Variants in CCDC50 observed in about 807,000 individuals in gnomAD.
CCDC50 encodes the protein coiled-coil domain containing 50.
CCDC50 carries 54 observed loss-of-function variants against 70.2 expected under a neutral mutation model. That is an observed-to-expected ratio of 0.77 (90% CI 0.62 to 0.96). CCDC50 has a LOEUF of 0.96. Ranked by LOEUF, CCDC50 falls within the 50% of genes least tolerant of loss-of-function variation. The pLI is 0.00. For synonymous variants in CCDC50, 216 were observed against 198.8 expected, an observed-to-expected ratio of 1.09 and a Z score of -0.73; for missense variants, 558 against 578.7, an observed-to-expected ratio of 0.96 and a Z score of 0.37.
intron 1 of CCDC50, among the ~76,000 whole-genome samples, chr3:191,343,506 A>G (rs1711805522): frequency 6.6e-6 from 1 of 152,356 alleles, no homozygotes; most frequent in East Asian, 1.9e-4. Flanking sequence ...TTATAAACCC[A>G]TTTAAAAAGT....
chr3:191,375,314 G>A lies in CCDC50; in HGVS notation c.701G>A (p.Arg234Gln), dbSNP rs748616618. ...ERKRSTQERP[R>Q]RPLLPTISGE... is the part of the protein sequence containing the mutation. ...AAACGGTCCACTCAGGAGAGGCCTC[G>A]GAGACCTCTGCTTCCCACGATCAGT... Residue 234 changes from arginine (R) to glutamine (Q), a missense_variant, in exon 6 of 12, where the codon CGG becomes CAG. Physicochemically the swap from Arg to Gln is conservative, Grantham distance 43. Transcript: ENST00000392455. The A allele has an allele frequency of 7.4e-6, 12 of 1,613,564 alleles. No homozygotes were observed. Among genetic ancestry groups the A allele is most frequent in the African/African-American group, 2.7e-5 (2 of 74,906 alleles).
rs144435570 is a variant in CCDC50, at chr3:191,351,544, G to C, written c.50-5544G>C. On this transcript the variant is annotated intron_variant, in intron 1 of 11. Coordinates refer to ENST00000392455, the MANE Select transcript of CCDC50 (RefSeq NM_178335.3). ...TTATTGGTAGGGAATTGGGGAGTGGGCTGTGTCTGGAGCTGGAGGGGTAAA... is the reference window on the plus strand; with the variant it reads ...TTATTGGTAGGGAATTGGGGAGTGGCCTGTGTCTGGAGCTGGAGGGGTAAA... 3.3e-4 allele frequency among the ~76,000 whole-genome samples: 46 copies of C among 141,494 alleles called. 3 individuals are homozygous for C. The East Asian group carries it at 7.5e-3, about 23-fold the overall frequency. The allele number at this position is 141,494 out of a possible 152,430, so 92.8% of individuals were successfully genotyped here. A position where few individuals can be genotyped will look rare whatever the true frequency, so the allele number is the denominator to read the frequency against.
rs1285835736 is a variant in CCDC50, at chr3:191,347,687, T to C, written c.50-9401T>C. Among the ~76,000 whole-genome samples the C allele has an allele frequency of 4.2e-5, 6 of 142,152 alleles. 1 individual carries two copies. Among genetic ancestry groups the C allele is most frequent in the African/African-American group, 1.0e-4 (4 of 39,794 alleles). The allele number at this position is 142,152 out of a possible 152,430, so 93.3% of individuals were successfully genotyped here. On this transcript the variant is annotated intron_variant, in intron 1 of 11. Coordinates refer to ENST00000392455, the MANE Select transcript of CCDC50 (RefSeq NM_178335.3). ...GTATATATCACTTTTCTAGGTATTCTAGGATCCTATTAGGCAACATATCCT... is the reference window on the plus strand; with the variant it reads ...GTATATATCACTTTTCTAGGTATTCCAGGATCCTATTAGGCAACATATCCT...
intron 10 of CCDC50, among the ~76,000 whole-genome samples, chr3:191,384,367 A>G (rs1713418850): frequency 6.6e-6 from 1 of 152,178 alleles, no homozygotes; most frequent in South Asian, 2.1e-4. Flanking sequence ...TTGCATATGT[A>G]GATACCTTGC....
rs985653442 is a variant in CCDC50, at chr3:191,398,040, C to A, written c.*6280C>A. ...TCTGGACTAGGCCAATGGAAGCAGT[C>A]TCTTTCAGTTCACCTCCGTACAGCA... On this transcript the variant is annotated 3_prime_UTR_variant, in exon 12 of 12. Coordinates refer to ENST00000392455, the MANE Select transcript of CCDC50 (RefSeq NM_178335.3). The A allele has an allele frequency of 6.6e-6, 1 of 152,188 alleles. No homozygotes were observed. The highest frequency in any genetic ancestry group is 2.4e-5 in the African/African-American group (1 of 41,422). 9.4% of individuals were successfully genotyped at this position (152,188 alleles called of 1,614,324 possible).
chr3:191,334,604 C>G (rs1159703089), intron 1 of CCDC50, among the ~76,000 whole-genome samples: 1 of 152,074 alleles, frequency 6.6e-6, no homozygotes, highest in Admixed American at 6.6e-5. Flanking sequence ...ACATTGGGGC[C>G]TAGAATTAGA....
intron 1 of CCDC50, among the ~76,000 whole-genome samples, chr3:191,356,566 C>A (rs1712289341): frequency 6.6e-6 from 1 of 152,160 alleles, no homozygotes; most frequent in African/African-American, 2.4e-5. Context: ...GAGCTCTGCC[C>A]CTACCTGAGG....
chr3:191,364,164 G>A (rs1712595671), intron 4 of CCDC50, among the ~76,000 whole-genome samples: 1 of 151,870 alleles, frequency 6.6e-6, no homozygotes, highest in South Asian at 2.1e-4. Context: ...TGCCTCCTGG[G>A]TTCAAGCGAT....
chr3:191,370,779 G>A (rs1054912863), intron 5 of CCDC50, among the ~76,000 whole-genome samples: 6 of 152,012 alleles, frequency 3.9e-5, no homozygotes, highest in Non-Finnish European at 5.9e-5. Context: ...GTGAGCCACC[G>A]CGCCCGGCCT....
chr3:191,359,893 A>G (rs1712422782), intron 3 of CCDC50, among the ~76,000 whole-genome samples: 1 of 152,220 alleles, frequency 6.6e-6, no homozygotes, highest in Admixed American at 6.5e-5. Flanking sequence ...GCTTTTTCAG[A>G]AATTATCAAG....
intron 9 of CCDC50, 115 bp from the exon 10 acceptor site, chr3:191,382,627 TACTA>T (rs1270744794): frequency 2.9e-6 from 2 of 684,322 alleles, no homozygotes; most frequent in Non-Finnish European, 5.2e-6. Flanking sequence ...AATCTGAAAT[TACTA>T]AGGAAGAGCT....
intron 1 of CCDC50, among the ~76,000 whole-genome samples, chr3:191,333,314 G>A (rs1198090313): frequency 6.6e-6 from 1 of 152,208 alleles, no homozygotes; most frequent in Non-Finnish European, 1.5e-5. Context: ...GGGCACTCCA[G>A]TGGCATAATG....
intron 10 of CCDC50, among the ~76,000 whole-genome samples, 159 bp downstream of exon 10, chr3:191,382,984 A>T (rs781619614): frequency 1.3e-5 from 2 of 152,156 alleles, no homozygotes; most frequent in Non-Finnish European, 2.9e-5. Flanking sequence ...TTAGAACTTT[A>T]TTTCCACTCT....
At chr3:191,372,986 T>G (rs1712965532) in intron 5 of CCDC50, among the ~76,000 whole-genome samples, 1 of 152,098 alleles carries the variant, frequency 6.6e-6, no homozygotes, top group Non-Finnish European at 1.5e-5. Flanking sequence ...CATATATCGG[T>G]GTTATATGTG....
At chr3:191,339,918 C>G (rs1711663406) in intron 1 of CCDC50, among the ~76,000 whole-genome samples, 2 of 152,190 alleles carry the variant, frequency 1.3e-5, no homozygotes, top group South Asian at 4.2e-4. Flanking sequence ...TTGTTGTTAT[C>G]TTGGATGCTA....
In CCDC50 at chr3:191,380,897, T is replaced by A. The variant is rs757529140; in HGVS notation, c.1207T>A (p.Ser403Thr). Residue 403 changes from serine to threonine, a missense_variant, in exon 9 of 12, where the codon TCT becomes ACT. Physicochemically the swap from Ser to Thr is moderately conservative, Grantham distance 58 (BLOSUM62 1). Coordinates refer to ENST00000392455, the MANE Select transcript of CCDC50 (RefSeq NM_178335.3). Reference sequence around the variant, plus strand: ...AAAAGCCAAGGAGCGGGAGAAATCATCTTTGGACAAAAGAAAGCAAGACCC... The same window carrying A: ...AAAAGCCAAGGAGCGGGAGAAATCAACTTTGGACAAAAGAAAGCAAGACCC... Reference protein sequence around the residue: ...YKKAKEREKSSLDKRKQDPEW... With the variant: ...YKKAKEREKSTLDKRKQDPEW... 1.2e-6 allele frequency: 2 copies of A among 1,612,826 alleles called. No homozygotes were observed. The highest frequency in any genetic ancestry group is 3.3e-5 in the Admixed American group (2 of 59,848).
At chr3:191,330,711 C>T (rs1405240486) in intron 1 of CCDC50, among the ~76,000 whole-genome samples, 2 of 152,172 alleles carry the variant, frequency 1.3e-5, no homozygotes, top group Non-Finnish European at 2.9e-5. Flanking sequence ...TTTTTGCTTT[C>T]TTGGAACCGC....
chr3:191,339,351 A>G (rs1438103473), intron 1 of CCDC50, among the ~76,000 whole-genome samples: 3 of 152,208 alleles, frequency 2.0e-5, no homozygotes, highest in Non-Finnish European at 4.4e-5. Context: ...CAAGGGAGTT[A>G]TGATATAAAA....
chr3:191,368,601 T>G (rs1712784860), intron 4 of CCDC50, among the ~76,000 whole-genome samples: 1 of 146,044 alleles, frequency 6.8e-6, no homozygotes, highest in Admixed American at 6.8e-5. Context: ...CTTTTGAAAT[T>G]TATATTGCCA....
Sources: allele counts gnomAD v4.1 joint callset (sites outside exome capture counted in the v4.1 genomes callset), GRCh38; gene constraint gnomAD v4.1.1; transcripts MANE v1.5; gene names NCBI Gene and HGNC (gene_info 2026-07-23, HGNC 2026-07-21).